The following MACROD2 variants were observed in gnomAD, a reference collection of about 807,000 sequenced individuals.
The protein encoded by MACROD2 is mono-ADP ribosylhydrolase 2, also known as ADP-ribose glycohydrolase MACROD2.
In MACROD2, 36 loss-of-function variants were observed where a neutral mutation model predicts 70.4. That is an observed-to-expected ratio of 0.51 (90% CI 0.39 to 0.68). The LOEUF is 0.68. MACROD2 is among the 30% of genes least tolerant of loss of function. The pLI is 0.00. For synonymous variants in MACROD2, 172 were observed against 178.8 expected (o/e 0.96, Z 0.30); for missense variants, 496 against 538.4 (o/e 0.92, Z 0.78).
chr20:14,847,644 T>TA (rs3840075), intron 5 of MACROD2, among the ~76,000 whole-genome samples: 33,171 of 151,366 alleles, frequency 0.22, 3,929 homozygotes, highest in East Asian at 0.37. Context: ...TCCCCCCTTT[T>TA]AAAAAAAAAT....
intron 6 of MACROD2, among the ~76,000 whole-genome samples, chr20:15,303,038 T>G (rs905271924): frequency 6.6e-6 from 1 of 152,228 alleles, no homozygotes; most frequent in Non-Finnish European, 1.5e-5. Context: ...GTGACATGCT[T>G]GGTAAATAGT....
chr20:14,237,514 A>G (rs958076362), intron 3 of MACROD2, among the ~76,000 whole-genome samples: 2 of 151,040 alleles, frequency 1.3e-5, no homozygotes, highest in East Asian at 3.9e-4. Flanking sequence ...AGTCTAATTT[A>G]TAGTTCTATT....
At chr20:14,204,629 C>T (rs1425944781) in intron 3 of MACROD2, among the ~76,000 whole-genome samples, 1 of 152,220 alleles carries the variant, frequency 6.6e-6, no homozygotes, top group African/African-American at 2.4e-5. Context: ...CTCACATACC[C>T]TTTCCTCATA....
At chr20:15,484,937 G>A (rs6043318) in intron 7 of MACROD2, among the ~76,000 whole-genome samples, 35,115 of 152,042 alleles carry the variant, frequency 0.23, 6,642 homozygotes, top group African/African-American at 0.51. Context: ...TGTCTCTCCA[G>A]TTTTGGGGAC....
intron 6 of MACROD2, among the ~76,000 whole-genome samples, chr20:15,235,091 G>C (rs1464906117): frequency 6.6e-6 from 1 of 152,064 alleles, no homozygotes; most frequent in East Asian, 1.9e-4. Context: ...TTAGGTATTT[G>C]AGAAAACTAT....
At chr20:15,272,278 C>A (rs2077352508) in intron 6 of MACROD2, among the ~76,000 whole-genome samples, 1 of 152,142 alleles carries the variant, frequency 6.6e-6, no homozygotes, top group African/African-American at 2.4e-5. Context: ...TCTTTGTATT[C>A]ATTAAAATGT....
At chr20:15,471,508 CA>C (rs960234626) in intron 7 of MACROD2, among the ~76,000 whole-genome samples, 3 of 151,894 alleles carry the variant, frequency 2.0e-5, no homozygotes, top group Non-Finnish European at 4.4e-5. Context: ...ACACAGAACT[CA>C]AAAAAAACTT....
chr20:15,796,292 G>A (rs1203065239), intron 8 of MACROD2, among the ~76,000 whole-genome samples: 1 of 152,164 alleles, frequency 6.6e-6, no homozygotes, highest in Admixed American at 6.5e-5. Context: ...TTCCTGCTAA[G>A]ACGCAAGGCA....
At chr20:15,505,364 A>G (rs912862361) in intron 8 of MACROD2, among the ~76,000 whole-genome samples, 3 of 152,094 alleles carry the variant, frequency 2.0e-5, no homozygotes, top group Non-Finnish European at 2.9e-5. Context: ...TAAATGTGGA[A>G]CCCTAAAGTA....
At chr20:14,960,041 C>T (rs7274822) in intron 5 of MACROD2, among the ~76,000 whole-genome samples, 4,535 of 152,222 alleles carry the variant, frequency 0.03, 231 homozygotes, top group African/African-American at 0.1. Context: ...TGTACAAATT[C>T]TCTTCCCAAA....
In MACROD2 at chr20:14,424,062, T is replaced by C. The variant is rs1412711711; in HGVS notation, c.272-69417T>C. 2.0e-5 allele frequency among the ~76,000 whole-genome samples: 3 copies of C among 152,008 alleles called. No homozygotes were observed. The East Asian group carries it at 5.8e-4, about 30-fold the overall frequency. The stretch of plus-strand genomic sequence containing the variant: ...CAGGCATGAGCCACCACGCCCGGCC[T>C]TAAAGTATTTTTTAATGTGTCTAAA... On this transcript the variant is annotated intron_variant, in intron 3 of 17. Coordinates refer to ENST00000684519, the MANE Select transcript of MACROD2 (RefSeq NM_001351661.2).
chr20:15,469,677 C>T (rs545154853), intron 7 of MACROD2, among the ~76,000 whole-genome samples: 27 of 152,208 alleles, frequency 1.8e-4, no homozygotes, highest in African/African-American at 6.5e-4. Context: ...ATGTAAGGAG[C>T]CATCCAAAGA....
intron 6 of MACROD2, among the ~76,000 whole-genome samples, chr20:15,317,210 C>T (rs2077820458): frequency 6.6e-6 from 1 of 151,924 alleles, no homozygotes; most frequent in Admixed American, 6.6e-5. Context: ...ATTATTAGAG[C>T]AGAGATAAAT....
At chr20:15,249,906 G>A (rs2077139994) in intron 6 of MACROD2, among the ~76,000 whole-genome samples, 1 of 152,186 alleles carries the variant, frequency 6.6e-6, no homozygotes, top group Admixed American at 6.5e-5. Flanking sequence ...GTGAAATGTA[G>A]GTATTATTTT....
At chr20:14,037,386 T>A (rs1162940996) in intron 2 of MACROD2, among the ~76,000 whole-genome samples, 7 of 152,248 alleles carry the variant, frequency 4.6e-5, no homozygotes, top group Non-Finnish European at 1.0e-4. Context: ...AATAAAGCCT[T>A]CTTTCATGCA....
chr20:14,751,962 C>A lies in MACROD2; in HGVS notation c.418+67003C>A, dbSNP rs989782175. Among the ~76,000 whole-genome samples the A allele has an allele frequency of 1.3e-5, 2 of 151,968 alleles. 1 individual carries two copies. The highest frequency in any genetic ancestry group is 4.8e-5 in the African/African-American group (2 of 41,324). ...GCTTTTGCCTTCTTTAGGAAATACC[C>A]TCTTCCTGTGGCTTCCATAATGAAA... is the stretch of plus-strand genomic sequence containing the variant. On this transcript the variant is annotated intron_variant, in intron 5 of 17. Transcript: ENST00000684519.
intron 8 of MACROD2, among the ~76,000 whole-genome samples, chr20:15,828,501 A>G (rs2064021746): frequency 6.6e-6 from 1 of 152,166 alleles, no homozygotes; most frequent in Admixed American, 6.5e-5. Context: ...TTTGCTCTTG[A>G]AGGGAAGAAA....
At chr20:15,060,163 G>T (rs1313321418) in intron 5 of MACROD2, among the ~76,000 whole-genome samples, 1 of 152,184 alleles carries the variant, frequency 6.6e-6, no homozygotes, top group Admixed American at 6.5e-5. Context: ...TAAAGAAATT[G>T]TATATAACGT....
chr20:15,700,364 C>T (rs2050439285), intron 8 of MACROD2, among the ~76,000 whole-genome samples: 1 of 152,212 alleles, frequency 6.6e-6, no homozygotes, highest in Non-Finnish European at 1.5e-5. Flanking sequence ...GGACGCGGCA[C>T]TGGCGATGGT....
Sources: allele counts gnomAD v4.1 joint callset (sites outside exome capture counted in the v4.1 genomes callset), GRCh38; gene constraint gnomAD v4.1.1; transcripts MANE v1.5; gene names NCBI Gene and HGNC (gene_info 2026-07-23, HGNC 2026-07-21).